FAT3: variants seen among roughly 807,000 people sequenced by gnomAD.
The protein encoded by FAT3 is protocadherin Fat 3.
Under a neutral mutation model 310.2 loss-of-function variants are expected in FAT3, and 95 were observed. The ratio of observed to expected loss-of-function variants is 0.31; its 90% confidence interval spans 0.26 to 0.36. The LOEUF is 0.36. Ranked by LOEUF, FAT3 falls within the 10% of genes least tolerant of loss-of-function variation. The probability of loss-of-function intolerance (pLI) is 1.00; values close to 1 mark genes in which losing one functional copy is unlikely to be tolerated. For missense variants in FAT3, 5,408 were observed against 5,715.6 expected, an observed-to-expected ratio of 0.95 and a Z score of 1.74; for synonymous variants, 2,314 against 2,192.9, an observed-to-expected ratio of 1.06 and a Z score of -1.54.
chr11:92,793,130 G>A (rs1208168722), intron 9 of FAT3, among the ~76,000 whole-genome samples, 153 bp downstream of exon 9: 1 of 152,160 alleles, frequency 6.6e-6, no homozygotes, highest in South Asian at 2.1e-4. Context: ...GGAGATGATG[G>A]TGGATAACGT....
At chr11:92,669,949 A>G (rs1325323734) in intron 3 of FAT3, among the ~76,000 whole-genome samples, 2 of 152,240 alleles carry the variant, frequency 1.3e-5, no homozygotes, top group African/African-American at 2.4e-5. Context: ...TCGGAAGTCC[A>G]AGACCTAATT....
intron 13 of FAT3, among the ~76,000 whole-genome samples, chr11:92,823,032 C>T (rs1265936930): frequency 1.3e-5 from 2 of 152,172 alleles, no homozygotes; most frequent in African/African-American, 4.8e-5. Context: ...TTGACCACCC[C>T]TCTCCAACAA....
At chr11:92,474,814 G>A (rs539490245) in intron 2 of FAT3, among the ~76,000 whole-genome samples, 25 of 152,312 alleles carry the variant, frequency 1.6e-4, no homozygotes, top group African/African-American at 5.8e-4. Context: ...CCAGGCCAGT[G>A]ATAAAAGAGA....
intron 3 of FAT3, among the ~76,000 whole-genome samples, chr11:92,661,561 C>CT (rs376966670): frequency 0.011 from 1,578 of 146,672 alleles, 21 homozygotes; most frequent in African/African-American, 0.032. Flanking sequence ...GTGTGGAGTG[C>CT]TTTTTTTTTT....
At chr11:92,622,735 T>C (rs777856262) in intron 3 of FAT3, among the ~76,000 whole-genome samples, 8 of 152,184 alleles carry the variant, frequency 5.3e-5, no homozygotes, top group Non-Finnish European at 7.3e-5. Context: ...AATTGCACGG[T>C]CACAGAGAGT....
chr11:92,364,716 TA>T (rs1375280707), intron 2 of FAT3, among the ~76,000 whole-genome samples: 1 of 152,200 alleles, frequency 6.6e-6, no homozygotes, highest in African/African-American at 2.4e-5. Context: ...CAATTTATAT[TA>T]AATTCTGGGC....
intron 2 of FAT3, among the ~76,000 whole-genome samples, chr11:92,501,085 T>C (rs1348852618): frequency 6.6e-6 from 1 of 152,008 alleles, no homozygotes; most frequent in Non-Finnish European, 1.5e-5. Context: ...AAGGAATTGC[T>C]CCAAAATTAA....
At chr11:92,599,948 T>A (rs189282860) in intron 3 of FAT3, among the ~76,000 whole-genome samples, 1 of 152,326 alleles carries the variant, frequency 6.6e-6, no homozygotes, top group East Asian at 1.9e-4. Context: ...AAAAGATCTA[T>A]GATCACACAG....
chr11:92,803,622 C>A (rs541449538), intron 10 of FAT3, among the ~76,000 whole-genome samples: 1 of 152,326 alleles, frequency 6.6e-6, no homozygotes, highest in African/African-American at 2.4e-5. Flanking sequence ...TCATTCTTTG[C>A]TGAGGAAGGC....
intron 3 of FAT3, among the ~76,000 whole-genome samples, chr11:92,653,353 G>A (rs1400145249): frequency 6.6e-6 from 1 of 152,038 alleles, no homozygotes; most frequent in Non-Finnish European, 1.5e-5. Flanking sequence ...TTTCTGTCAT[G>A]CCAGTGGCCC....
chr11:92,592,102 G>T (rs1352988977), intron 3 of FAT3, among the ~76,000 whole-genome samples: 1 of 152,022 alleles, frequency 6.6e-6, no homozygotes, highest in Admixed American at 6.6e-5. Context: ...TGAGGTGGGG[G>T]TGGTGGATGG....
intron 4 of FAT3, among the ~76,000 whole-genome samples, chr11:92,746,928 T>A (rs1591677375): frequency 6.6e-6 from 1 of 152,238 alleles, no homozygotes; most frequent in East Asian, 1.9e-4. Context: ...TCCACTCCTG[T>A]GGCTTTGCAG....
intron 3 of FAT3, among the ~76,000 whole-genome samples, chr11:92,604,451 G>C (rs74661671): frequency 1.3e-5 from 2 of 152,084 alleles, no homozygotes; most frequent in Non-Finnish European, 2.9e-5. Flanking sequence ...GTGATTAGTT[G>C]ATAATCCTCC....
At chr11:92,364,131 G>A (rs1948953798) in intron 2 of FAT3, among the ~76,000 whole-genome samples, 1 of 152,048 alleles carries the variant, frequency 6.6e-6, no homozygotes, top group African/African-American at 2.4e-5. Context: ...TCATAAAGAG[G>A]TAATCCAAAT....
intron 2 of FAT3, among the ~76,000 whole-genome samples, chr11:92,454,112 ATACTT>A (rs1163439784): frequency 1.3e-5 from 2 of 152,172 alleles, no homozygotes; most frequent in Admixed American, 1.3e-4. Flanking sequence ...TATTGGTAAG[ATACTT>A]TACATTATTT....
intron 1 of FAT3, among the ~76,000 whole-genome samples, chr11:92,330,579 A>G (rs1256579865): frequency 6.6e-6 from 1 of 152,212 alleles, no homozygotes; most frequent in African/African-American, 2.4e-5. Flanking sequence ...GTCCCAAGAC[A>G]AACAGAAGTA....
At chr11:92,240,431 C>T (rs1047355139) in intron 1 of FAT3, among the ~76,000 whole-genome samples, 4 of 151,984 alleles carry the variant, frequency 2.6e-5, no homozygotes, top group African/African-American at 9.6e-5. Flanking sequence ...TCTTTTGCAG[C>T]CATGGCTGTA....
intron 2 of FAT3, among the ~76,000 whole-genome samples, chr11:92,434,546 T>C (rs1196033971): frequency 1.3e-5 from 2 of 152,110 alleles, no homozygotes; most frequent in African/African-American, 4.8e-5. Context: ...GACTGAAATA[T>C]CTCCTGCACC....
intron 1 of FAT3, among the ~76,000 whole-genome samples, chr11:92,304,273 C>T (rs756966893): frequency 6.6e-6 from 1 of 152,116 alleles, no homozygotes; most frequent in Non-Finnish European, 1.5e-5. Context: ...AGTGGTTTCT[C>T]TGGGAAGTAA....
Sources: gnomAD v4.1 joint callset for allele counts (sites outside exome capture counted in the v4.1 genomes callset) on GRCh38, gnomAD v4.1.1 for gene constraint, MANE v1.5 for transcripts, NCBI Gene and HGNC (gene_info 2026-07-23, HGNC 2026-07-21) for gene names.